SUPT3H: variants seen among roughly 807,000 people sequenced by gnomAD.
SUPT3H encodes transcription initiation protein SPT3 homolog.
Under a neutral mutation model 44.3 loss-of-function variants are expected in SUPT3H, and 44 were observed. The observed-to-expected ratio is 0.99, with a 90% CI of 0.78 to 1.28. SUPT3H has a LOEUF of 1.28. SUPT3H is among the 50% of genes most tolerant of loss of function. SUPT3H has a pLI of 0.00. For synonymous variants in SUPT3H, 124 were observed against 125.6 expected (o/e 0.99, Z 0.09); for missense variants, 380 against 387.1 (o/e 0.98, Z 0.15).
chr6:44,819,163 A>C (rs562506225), intron 11 of SUPT3H, among the ~76,000 whole-genome samples: 4 of 152,330 alleles, frequency 2.6e-5, no homozygotes, highest in African/African-American at 9.6e-5. Flanking sequence ...CTAACACACG[A>C]AACAAGATGG....
chr6:45,209,262 A>G (rs1763707245), intron 2 of SUPT3H, among the ~76,000 whole-genome samples: 1 of 152,168 alleles, frequency 6.6e-6, no homozygotes, highest in Non-Finnish European at 1.5e-5. Flanking sequence ...TTCGAAATCT[A>G]TTTCATGAGG....
Position 44,834,861 on chromosome 6 carries a change from T to C in SUPT3H, c.913-5004A>G, listed in dbSNP as rs568760960. ...AACAAAAGTGAAGAAACTGGTGGAG[T>C]TGGCGGAGGGGCGGTTAGGGGAGGG... On this transcript the variant is annotated intron_variant, in intron 10 of 10. Transcript: ENST00000371459. Among the ~76,000 whole-genome samples, 3 of 151,944 alleles carry C rather than the reference T, an allele frequency of 2.0e-5. No homozygotes were observed. The South Asian group carries it at 6.2e-4, about 32-fold the overall frequency.
intron 2 of SUPT3H, among the ~76,000 whole-genome samples, chr6:45,284,746 A>G (rs1253619046): frequency 2.6e-5 from 4 of 152,238 alleles, no homozygotes; most frequent in Non-Finnish European, 5.9e-5. Flanking sequence ...TCATTTTATG[A>G]GGCCAGCATC....
intron 9 of SUPT3H, among the ~76,000 whole-genome samples, chr6:44,942,203 T>A (rs1772557283): frequency 6.6e-6 from 1 of 152,026 alleles, no homozygotes; most frequent in Non-Finnish European, 1.5e-5. Flanking sequence ...ACTGAAGAGG[T>A]CTTTTAGGTA....
chr6:45,110,090 T>A (rs1799828157), intron 2 of SUPT3H, among the ~76,000 whole-genome samples: 1 of 152,198 alleles, frequency 6.6e-6, no homozygotes, highest in South Asian at 2.1e-4. Context: ...TAGGAAGGAC[T>A]GTGACTCTGA....
intron 2 of SUPT3H, among the ~76,000 whole-genome samples, chr6:45,117,181 G>C (rs1438366955): frequency 2.0e-5 from 3 of 151,916 alleles, no homozygotes; most frequent in Non-Finnish European, 4.4e-5. Flanking sequence ...TGTTGAACAA[G>C]TCATAGGCCA....
At chr6:45,126,027 C>A (rs952298100) in intron 2 of SUPT3H, among the ~76,000 whole-genome samples, 1 of 152,052 alleles carries the variant, frequency 6.6e-6, no homozygotes, top group Non-Finnish European at 1.5e-5. Context: ...AAAATATGAA[C>A]CAACAAGCTT....
intron 2 of SUPT3H, among the ~76,000 whole-genome samples, chr6:45,311,510 C>T (rs913181700): frequency 6.6e-5 from 10 of 152,120 alleles, no homozygotes; most frequent in South Asian, 2.1e-4. Context: ...GGCACACTGT[C>T]GTCAGGTTAT....
At chr6:45,283,843 A>G (rs924507715) in intron 2 of SUPT3H, among the ~76,000 whole-genome samples, 1 of 152,180 alleles carries the variant, frequency 6.6e-6, no homozygotes, top group Non-Finnish European at 1.5e-5. Context: ...GAAGTAAAGT[A>G]CTCCTCAGCA....
chr6:45,088,196 C>T (rs1796714595), intron 3 of SUPT3H, among the ~76,000 whole-genome samples: 1 of 152,032 alleles, frequency 6.6e-6, no homozygotes, highest in African/African-American at 2.4e-5. Flanking sequence ...AATAAATTAT[C>T]TAAACTGGGT....
chr6:44,869,473 T>C (rs369844552), intron 10 of SUPT3H, among the ~76,000 whole-genome samples: 7 of 150,976 alleles, frequency 4.6e-5, no homozygotes, highest in East Asian at 1.9e-4. Context: ...ACAGACGATA[T>C]TGCAACTGTT....
chr6:45,144,867 T>C (rs62436760), intron 2 of SUPT3H, among the ~76,000 whole-genome samples: 34,434 of 152,092 alleles, frequency 0.23, 4,586 homozygotes, highest in Non-Finnish European at 0.31. Flanking sequence ...AGCACTGCTA[T>C]ACACTAACAA....
At chr6:44,989,248 T>C (rs1266807818) in intron 6 of SUPT3H, among the ~76,000 whole-genome samples, 1 of 152,186 alleles carries the variant, frequency 6.6e-6, no homozygotes, top group Non-Finnish European at 1.5e-5. Context: ...TTTCTTTCTG[T>C]GTCTGGCTTA....
rs1415778332 is a variant in SUPT3H at position 45,317,956 on chromosome 6, A to G, written c.101+47245T>C. Among the ~76,000 whole-genome samples, 3 of 152,160 alleles carry G rather than the reference A, an allele frequency of 2.0e-5. No homozygotes were observed. The East Asian group carries it at 5.8e-4, about 29-fold the overall frequency. ...AAACCATACATCTGCAAAGGGGTTAATATCTAAAATACATAAGGAATGCAA... is the reference window on the plus strand; with the variant it reads ...AAACCATACATCTGCAAAGGGGTTAGTATCTAAAATACATAAGGAATGCAA... On this transcript the variant is annotated intron_variant, in intron 2 of 10. Transcript: ENST00000371459.
chr6:44,939,371 T>C (rs1435132069), intron 9 of SUPT3H, among the ~76,000 whole-genome samples: 2 of 152,156 alleles, frequency 1.3e-5, no homozygotes, highest in Non-Finnish European at 2.9e-5. Flanking sequence ...ATCCCATTTA[T>C]TGATTTGTGT....
chr6:45,101,172 T>A (rs901498131), intron 3 of SUPT3H, among the ~76,000 whole-genome samples: 1 of 152,234 alleles, frequency 6.6e-6, no homozygotes, highest in Non-Finnish European at 1.5e-5. Context: ...ACGCCTGTAA[T>A]CCCAGCACTT....
At chr6:45,072,513 C>A (rs1794517231) in intron 3 of SUPT3H, among the ~76,000 whole-genome samples, 1 of 151,966 alleles carries the variant, frequency 6.6e-6, no homozygotes, top group Admixed American at 6.6e-5. Context: ...AAAAACTAGA[C>A]CTTGGCTTCA....
intron 2 of SUPT3H, among the ~76,000 whole-genome samples, chr6:45,188,174 A>G (rs1814562655): frequency 6.6e-6 from 1 of 152,238 alleles, no homozygotes; most frequent in Non-Finnish European, 1.5e-5. Context: ...AATGACGCCA[A>G]AGGGCAACAG....
At chr6:44,832,930 T>C (rs548625546) in intron 10 of SUPT3H, among the ~76,000 whole-genome samples, 3 of 152,160 alleles carry the variant, frequency 2.0e-5, no homozygotes, top group Non-Finnish European at 4.4e-5. Flanking sequence ...CTTCTGTTTT[T>C]TATGGGTTAT....
Sources: gnomAD v4.1 joint callset for allele counts (sites outside exome capture counted in the v4.1 genomes callset) on GRCh38, gnomAD v4.1.1 for gene constraint, MANE v1.5 for transcripts, NCBI Gene and HGNC (gene_info 2026-07-23, HGNC 2026-07-21) for gene names.